Variants in BAZ2B observed in about 807,000 individuals in gnomAD.
BAZ2B encodes bromodomain adjacent to zinc finger domain 2B, also known as bromodomain adjacent to zinc finger domain protein 2B.
In BAZ2B, 91 loss-of-function variants were observed where a neutral mutation model predicts 246.0. That is an observed-to-expected ratio of 0.37 (90% CI 0.31 to 0.44). The LOEUF is 0.44. Ranked by LOEUF, BAZ2B falls within the 20% of genes least tolerant of loss-of-function variation. The pLI is 1.00. For synonymous variants in BAZ2B, 855 were observed against 860.0 expected (o/e 0.99, Z 0.10); for missense variants, 2,332 against 2,533.7 (o/e 0.92, Z 1.71).
the BAZ2B span, among the ~76,000 whole-genome samples, chr2:159,671,566 C>CA: frequency 2.0e-5 from 3 of 152,176 alleles, no homozygotes; most frequent in East Asian, 5.8e-4. Context: ...ACCAATTAGA[C>CA]AAAAAATAAT....
chr2:159,460,805 C>T (rs755997037), intron 3 of BAZ2B: 3 of 152,070 alleles, frequency 2.0e-5, no homozygotes, highest in Non-Finnish European at 4.4e-5. Flanking sequence ...ATTCTGTAAA[C>T]TTGAACTTTG....
the BAZ2B span, among the ~76,000 whole-genome samples, chr2:159,709,792 G>A: frequency 2.0e-5 from 3 of 152,198 alleles, no homozygotes; most frequent in Non-Finnish European, 4.4e-5. Context: ...AAGCTATCAG[G>A]TGGAAGAAAT....
At chr2:159,487,178 A>C (rs1453981102) in intron 2 of BAZ2B, among the ~76,000 whole-genome samples, 3 of 152,140 alleles carry the variant, frequency 2.0e-5, no homozygotes, top group Non-Finnish European at 4.4e-5. Context: ...TATTGCTAGA[A>C]ATTACCTTTC....
chr2:159,381,860 A>G (rs2062030153), intron 25 of BAZ2B, among the ~76,000 whole-genome samples: 5 of 152,124 alleles, frequency 3.3e-5, no homozygotes, highest in Admixed American at 2.6e-4. Context: ...GCCCTTGGTC[A>G]TGCATTTCTC....
At chr2:159,441,900 C>T (rs1002560504) in intron 6 of BAZ2B, among the ~76,000 whole-genome samples, 3 of 152,130 alleles carry the variant, frequency 2.0e-5, no homozygotes, top group African/African-American at 7.2e-5. Context: ...GAACCTTATC[C>T]TTGAACCTTC....
At chr2:159,661,190 AG>A in the BAZ2B span, among the ~76,000 whole-genome samples, 1 of 152,200 alleles carries the variant, frequency 6.6e-6, no homozygotes, top group Non-Finnish European at 1.5e-5. Flanking sequence ...GAAATCATAT[AG>A]TATGTATTCC....
chr2:159,341,622 G>A (rs1199537239), intron 31 of BAZ2B, among the ~76,000 whole-genome samples: 2 of 152,110 alleles, frequency 1.3e-5, no homozygotes, highest in Admixed American at 6.5e-5. Context: ...CATATGTTAG[G>A]ACTCAAATCT....
chr2:159,417,176 T>G (rs896327668), intron 13 of BAZ2B, among the ~76,000 whole-genome samples: 4 of 142,468 alleles, frequency 2.8e-5, no homozygotes, highest in Non-Finnish European at 6.1e-5. Context: ...TTTTTTTTTG[T>G]TTTTTTTTTT....
intron 1 of BAZ2B, among the ~76,000 whole-genome samples, chr2:159,566,599 A>G (rs1406436174): frequency 6.6e-6 from 1 of 152,216 alleles, no homozygotes; most frequent in Non-Finnish European, 1.5e-5. Context: ...TCAATCATTT[A>G]CATAAATTTT....
intron 26 of BAZ2B, 32 bp from the exon 27 acceptor site, chr2:159,373,221 T>C (rs1423291563): frequency 6.3e-7 from 1 of 1,581,700 alleles, no homozygotes. Context: ...TAATTAGGTT[T>C]GGGATGTTAA....
intron 1 of BAZ2B, among the ~76,000 whole-genome samples, chr2:159,612,943 T>C (rs1204687183): frequency 6.6e-6 from 1 of 152,144 alleles, no homozygotes; most frequent in Non-Finnish European, 1.5e-5. Context: ...ATTACAGTCT[T>C]ATGTGCATTT....
intron 1 of BAZ2B, among the ~76,000 whole-genome samples, chr2:159,590,518 G>A (rs368468189): frequency 2.0e-5 from 3 of 152,002 alleles, no homozygotes; most frequent in South Asian, 2.1e-4. Context: ...TTGAACCCGG[G>A]GGGGTGGAGG....
At chr2:159,555,035 G>A (rs2088878762) in intron 2 of BAZ2B, among the ~76,000 whole-genome samples, 1 of 150,492 alleles carries the variant, frequency 6.6e-6, no homozygotes, top group Non-Finnish European at 1.5e-5. Flanking sequence ...ACTCTACCAA[G>A]GCTATATATA....
chr2:159,638,846 A>T, the BAZ2B span, among the ~76,000 whole-genome samples: 9,420 of 152,206 alleles, frequency 0.062, 371 homozygotes, highest in Non-Finnish European at 0.089. Context: ...ATTCAAAGGG[A>T]TATAAAGAAA....
chr2:159,414,829 AT>A (rs879643720), intron 13 of BAZ2B, among the ~76,000 whole-genome samples: 86 of 151,424 alleles, frequency 5.7e-4, no homozygotes, highest in Non-Finnish European at 6.9e-4. Flanking sequence ...AAAAAAAAAA[AT>A]ATTCTCATGT....
chr2:159,381,128 TCTATTCA>T (rs2061952273), intron 25 of BAZ2B, among the ~76,000 whole-genome samples: 1 of 152,102 alleles, frequency 6.6e-6, no homozygotes, highest in South Asian at 2.1e-4. Context: ...AGTCCACTAC[TCTATTCA>T]CTAAACCAAT....
At chr2:159,447,979 C>T (rs2074489775) in intron 5 of BAZ2B, among the ~76,000 whole-genome samples, 2 of 151,882 alleles carry the variant, frequency 1.3e-5, no homozygotes, top group Admixed American at 6.6e-5. Flanking sequence ...AAAATTTAAA[C>T]ACGTAGCTGG....
intron 31 of BAZ2B, among the ~76,000 whole-genome samples, chr2:159,339,897 T>C (rs929134047): frequency 6.6e-6 from 1 of 152,094 alleles, no homozygotes; most frequent in African/African-American, 2.4e-5. Context: ...AGAGAGTAGA[T>C]TGGTGGTTAC....
intron 2 of BAZ2B, among the ~76,000 whole-genome samples, chr2:159,526,340 C>T (rs57732107): frequency 0.047 from 7,093 of 151,904 alleles, 246 homozygotes; most frequent in African/African-American, 0.096. Flanking sequence ...GCATGTAGAC[C>T]GTAATACAGT....
Sources: gnomAD v4.1 joint callset for allele counts (sites outside exome capture counted in the v4.1 genomes callset) on GRCh38, gnomAD v4.1.1 for gene constraint, MANE v1.5 for transcripts, NCBI Gene and HGNC (gene_info 2026-07-23, HGNC 2026-07-21) for gene names.